RPS23: variants seen among roughly 807,000 people sequenced by gnomAD.
RPS23 encodes the protein ribosomal protein S23.
For synonymous variants in RPS23, 66 were observed against 60.4 expected, an observed-to-expected ratio of 1.09 and a Z score of -0.43; for missense variants, 73 against 174.5, an observed-to-expected ratio of 0.42 and a Z score of 3.28.
intron 2 of RPS23, chr5:82,277,243 C>A (rs1221225590): frequency 7.8e-5 from 13 of 167,450 alleles, no homozygotes; most frequent in East Asian, 2.0e-4. Context: ...TATGATAGAA[C>A]TATATGAAAT....
chr5:82,277,813 C>T lies in RPS23; in HGVS notation c.44G>A (p.Ser15Asn). Residue 15 changes from serine to asparagine, a missense_variant, in exon 2 of 4, where the codon AGT (serine) becomes AAT (asparagine). Physicochemically the swap from Ser to Asn is conservative, Grantham distance 46. Transcript: ENST00000296674. Reference sequence around the variant, plus strand: ...ATGCCACTTCTGGTCTCGTCGGTGACTACGGAGCTTCCTAGCAGTACGAAG... The same window carrying T: ...ATGCCACTTCTGGTCTCGTCGGTGATTACGGAGCTTCCTAGCAGTACGAAG... ...RGLRTARKLRSHRRDQKWHDK... is the reference protein window; with the variant it reads ...RGLRTARKLRNHRRDQKWHDK... 2 of 1,614,008 alleles carry T rather than the reference C, an allele frequency of 1.2e-6. No homozygotes were observed. Among genetic ancestry groups the T allele is most frequent in the Non-Finnish European group, 1.7e-6 (2 of 1,179,864 alleles).
chr5:82,277,879 C>T (rs1442933396), intron 1 of RPS23, 27 bp from the exon 2 acceptor site: 4 of 1,601,176 alleles, frequency 2.5e-6, no homozygotes, highest in Non-Finnish European at 3.4e-6. Flanking sequence ...TTAGTTCTTC[C>T]GTAAAAACAC....
chr5:82,278,044 G>A (rs529368060), intron 1 of RPS23, 192 bp from the exon 2 acceptor site: 1 of 656,978 alleles, frequency 1.5e-6, no homozygotes, highest in African/African-American at 1.8e-5. Flanking sequence ...GAGGGCTCCG[G>A]AGAATGTGTT....
chr5:82,278,229 TCCCCC>T, intron 1 of RPS23, 86 bp downstream of exon 1: 1 of 760,232 alleles, frequency 1.3e-6, no homozygotes, highest in Non-Finnish European at 2.1e-6. Context: ...CTCCATGGCA[TCCCCC>T]GCCCTACTCT....
chr5:82,274,643 G>A lies in RPS23; in HGVS notation c.*1466C>T, dbSNP rs572435730. 6 of 152,698 alleles carry A rather than the reference G, an allele frequency of 3.9e-5. 1 individual carries two copies. In the South Asian group the frequency reaches 6.2e-4, roughly 16 times the overall value. 9.5% of individuals were successfully genotyped at this position (152,698 alleles called of 1,614,324 possible). A position where few individuals can be genotyped will look rare whatever the true frequency, so the allele number is the denominator to read the frequency against. On this transcript the variant is annotated 3_prime_UTR_variant, in exon 4 of 4. Transcript: ENST00000296674. The stretch of plus-strand genomic sequence containing the variant: ...CAGGGCCTGGAATCGCGCTGCAACC[G>A]CGGCCTCTTTCCCTGGTTCTGGCCA...
chr5:82,276,016 ACATGATCTTCGTG>A lies in RPS23; in HGVS notation c.*80_*92del. 8.1e-7 allele frequency: 1 copy of A among 1,235,088 alleles called. No homozygotes were observed. Among genetic ancestry groups the A allele is most frequent in the East Asian group, 2.3e-5 (1 of 42,876 alleles). The allele number at this position is 1,235,088 out of a possible 1,614,324, so 76.5% of individuals were successfully genotyped here. On this transcript the variant is annotated 3_prime_UTR_variant, in exon 4 of 4. Transcript: ENST00000296674. ...TAAGGGGGGGTGGTGGTGGTAATGAACATGATCTTCGTGGTGAGAACAGGGGACAGTAAGATAC... is the reference window on the plus strand; with the variant it reads ...TAAGGGGGGGTGGTGGTGGTAATGAAGTGAGAACAGGGGACAGTAAGATAC...
chr5:82,276,272 A>G lies in RPS23; in HGVS notation c.286-17T>C, dbSNP rs199696830. ...ATCATTTTCCTGGAATAAAATAAGAAGTTTATTTCTGGTGTTGGTGGCGAT... is the reference window on the plus strand; with the variant it reads ...ATCATTTTCCTGGAATAAAATAAGAGGTTTATTTCTGGTGTTGGTGGCGAT... On this transcript the variant is annotated splice_polypyrimidine_tract_variant and intron_variant, in intron 3 of 3. Transcript: ENST00000296674. 1.9e-5 allele frequency: 30 copies of G among 1,613,290 alleles called. No homozygotes were observed. The East Asian group carries it at 6.5e-4, about 35-fold the overall frequency.
Position 82,277,811 on chromosome 5 carries a change from G to A in RPS23, c.46C>T (p.His16Tyr). The A allele has an allele frequency of 6.2e-7, 1 of 1,613,842 alleles. No homozygotes were observed. Among genetic ancestry groups the A allele is most frequent in the Non-Finnish European group, 8.5e-7 (1 of 1,179,766 alleles). ...GLRTARKLRS[H>Y]RRDQKWHDKQ... Reference sequence around the variant, plus strand: ...TCATGCCACTTCTGGTCTCGTCGGTGACTACGGAGCTTCCTAGCAGTACGA... The same window carrying A: ...TCATGCCACTTCTGGTCTCGTCGGTAACTACGGAGCTTCCTAGCAGTACGA... The change falls in exon 2 of 4, where the codon CAC becomes TAC. Residue 16 changes from histidine (H) to tyrosine (Y), a missense_variant. Transcript: ENST00000296674.
In RPS23 at chr5:82,274,220, T is replaced by C. The variant is rs981823329; in HGVS notation, c.*1889A>G. 36 of 152,234 alleles carry C rather than the reference T, an allele frequency of 2.4e-4. No homozygotes were observed. Among genetic ancestry groups the C allele is most frequent in the African/African-American group, 8.2e-4 (34 of 41,536 alleles). The allele number at this position is 152,234 out of a possible 1,614,324, so 9.4% of individuals were successfully genotyped here. On this transcript the variant is annotated 3_prime_UTR_variant, in exon 4 of 4. Transcript: ENST00000296674. ...GATTCCCTATCTTATTTTATTGATG[T>C]GTATTTTTGTCTCTCCTCCATGGAT...
intron 2 of RPS23, 44 bp from the exon 3 acceptor site, chr5:82,276,562 A>G: frequency 6.2e-7 from 1 of 1,609,670 alleles, no homozygotes; most frequent in Non-Finnish European, 8.5e-7. Context: ...CTTTCTGAAA[A>G]AGATTATCTT....
chr5:82,275,583 TTAAA>T lies in RPS23; in HGVS notation c.*522_*525del, dbSNP rs1581863818. The T allele has an allele frequency of 2.3e-6, 1 of 431,612 alleles. No homozygotes were observed. The highest frequency in any genetic ancestry group is 3.9e-5 in the Admixed American group (1 of 25,644). 26.7% of individuals were successfully genotyped at this position (431,612 alleles called of 1,614,324 possible). On this transcript the variant is annotated 3_prime_UTR_variant, in exon 4 of 4. Transcript: ENST00000296674. Reference sequence around the variant, plus strand: ...CATTACAACACAGATCCTGACACCTTTAAATAATAAACAGAGTGGGGAGCAATTT... The same window carrying T: ...CATTACAACACAGATCCTGACACCTTTAATAAACAGAGTGGGGAGCAATTT...
In RPS23 at chr5:82,275,406, A is replaced by G. The variant is rs2112045951; in HGVS notation, c.*703T>C. 5.8e-6 allele frequency: 4 copies of G among 685,200 alleles called. No individual in the cohort carries two copies. The highest frequency in any genetic ancestry group is 1.1e-5 in the Non-Finnish European group (4 of 375,932). The allele number at this position is 685,200 out of a possible 1,614,324, so 42.4% of individuals were successfully genotyped here. A position where few individuals can be genotyped will look rare whatever the true frequency, so the allele number is the denominator to read the frequency against. ...CACTAAACCACTTCATTTGCTGACT[A>G]GTCTTTGAAGACATGAAGGTCTCTG... On this transcript the variant is annotated 3_prime_UTR_variant, in exon 4 of 4. Coordinates refer to ENST00000296674, the MANE Select transcript of RPS23 (RefSeq NM_001025.5).
rs1221107752 is a variant in RPS23, at chr5:82,275,489, G to T, written c.*620C>A. 1.7e-6 allele frequency: 1 copy of T among 601,356 alleles called. No homozygotes were observed. The highest frequency in any genetic ancestry group is 1.9e-5 in the African/African-American group (1 of 53,970). The allele number at this position is 601,356 out of a possible 1,614,324, so 37.3% of individuals were successfully genotyped here. A position where few individuals can be genotyped will look rare whatever the true frequency, so the allele number is the denominator to read the frequency against. ...TCTTGTCGTATACCTTATCTCCCTT[G>T]CCTGGCATATACTTCCATCAACTAA... On this transcript the variant is annotated 3_prime_UTR_variant, in exon 4 of 4. Coordinates refer to ENST00000296674, the MANE Select transcript of RPS23 (RefSeq NM_001025.5).
chr5:82,278,282 C>CAAG, intron 1 of RPS23, 38 bp downstream of exon 1: 3 of 1,605,520 alleles, frequency 1.9e-6, no homozygotes, highest in Non-Finnish European at 2.5e-6. Flanking sequence ...ACCCCAAGTC[C>CAAG]CGCTTGCAGC....
intron 3 of RPS23, 28 bp downstream of exon 3, chr5:82,276,370 G>A (rs1282522369): frequency 1.2e-6 from 2 of 1,613,664 alleles, no homozygotes; most frequent in African/African-American, 1.3e-5. Context: ...CCCAAGAACA[G>A]AAGGTACGAT....
chr5:82,276,789 A>T (rs1747802506), intron 2 of RPS23: 4 of 416,528 alleles, frequency 9.6e-6, no homozygotes, highest in Admixed American at 3.8e-5. Context: ...CTGACGTGGG[A>T]GGATCTATGC....
chr5:82,275,082 T>G lies in RPS23; in HGVS notation c.*1027A>C. ...AGGTATGAAGCGCAACCTGGGTTCT[T>G]CTGTGCCATGTGAAAGGTTCTGCTC... On this transcript the variant is annotated 3_prime_UTR_variant, in exon 4 of 4. Transcript: ENST00000296674. The G allele has an allele frequency of 1.6e-6, 1 of 618,304 alleles. No individual in the cohort carries two copies. The highest frequency in any genetic ancestry group is 2.9e-6 in the Non-Finnish European group (1 of 345,492). The allele number at this position is 618,304 out of a possible 1,614,324, so 38.3% of individuals were successfully genotyped here. A position where few individuals can be genotyped will look rare whatever the true frequency, so the allele number is the denominator to read the frequency against.
rs1342795521 is a variant in RPS23 at position 82,273,684 on chromosome 5, A to G, written c.*2425T>C. The G allele has an allele frequency of 6.6e-6, 1 of 151,482 alleles. No homozygotes were observed. The highest frequency in any genetic ancestry group is 6.6e-5 in the Admixed American group (1 of 15,264). 9.4% of individuals were successfully genotyped at this position (151,482 alleles called of 1,614,324 possible). ...ATTTCACTTCCTTGTTTTTTTCTTA[A>G]AACAGGTACTGAGTATAAAACAATA... is the stretch of plus-strand genomic sequence containing the variant. On this transcript the variant is annotated 3_prime_UTR_variant, in exon 4 of 4. Coordinates refer to ENST00000296674, the MANE Select transcript of RPS23 (RefSeq NM_001025.5).
At position 82,275,507 on chromosome 5, in the gene RPS23, T is replaced by C; in HGVS notation, c.*602A>G. On this transcript the variant is annotated 3_prime_UTR_variant, in exon 4 of 4. Transcript: ENST00000296674. ...CTCCCTTGCCTGGCATATACTTCCA[T>C]CAACTAAATGATCCAATGCCTGTAT... The C allele has an allele frequency of 1.7e-6, 1 of 593,578 alleles. No homozygotes were observed. The highest frequency in any genetic ancestry group is 3.0e-6 in the Non-Finnish European group (1 of 333,326). The allele number at this position is 593,578 out of a possible 1,614,324, so 36.8% of individuals were successfully genotyped here. A position where few individuals can be genotyped will look rare whatever the true frequency, so the allele number is the denominator to read the frequency against.
Sources: allele counts gnomAD v4.1 joint callset, GRCh38; gene constraint gnomAD v4.1.1; transcripts MANE v1.5; gene names NCBI Gene and HGNC (gene_info 2026-07-23, HGNC 2026-07-21).